Variants in MCTP2 observed in about 807,000 individuals in gnomAD.
The protein encoded by MCTP2 is multiple C2 and transmembrane domain-containing protein 2.
A neutral mutation model predicts 111.6 loss-of-function variants in MCTP2; 132 were observed. The ratio of observed to expected loss-of-function variants is 1.18; its 90% CI spans 1.03 to 1.37. The LOEUF is 1.37. Among genes scored for constraint, MCTP2 ranks in the 40% most tolerant of loss-of-function variants. The pLI, the probability that MCTP2 is intolerant of heterozygous loss-of-function variation, is 0.00. For missense variants in MCTP2, 1,183 were observed against 1,067.9 expected (o/e 1.11, Z -1.50); for synonymous variants, 395 against 387.7 (o/e 1.02, Z -0.22).
intron 1 of MCTP2, among the ~76,000 whole-genome samples, chr15:94,244,300 ATATT>A (rs559217862): frequency 2.4e-4 from 36 of 148,812 alleles, no homozygotes; most frequent in African/African-American, 6.9e-4. Flanking sequence ...ATATGTGTAT[ATATT>A]TATATACACA....
Position 94,478,950 on chromosome 15 carries a change from CTATT to C in MCTP2, c.2569-14_2569-11del. 3 of 1,613,526 alleles carry C rather than the reference CTATT, an allele frequency of 1.9e-6. No individual in the cohort carries two copies. Among genetic ancestry groups the C allele is most frequent in the Non-Finnish European group, 2.5e-6 (3 of 1,179,744 alleles). ...GGTTACCTAACCGCCAGCATCACGGCTATTTGTTTTCACAGGTGCAGTATGCAGA... is the reference window on the plus strand; with the variant it reads ...GGTTACCTAACCGCCAGCATCACGGCTGTTTTCACAGGTGCAGTATGCAGA... On this transcript the variant is annotated splice_polypyrimidine_tract_variant and intron_variant, in intron 22 of 22. Transcript: ENST00000357742.
rs532451420 is a variant in MCTP2 at position 94,280,523 on chromosome 15, C to G, written c.-65-17678C>G. Among the ~76,000 whole-genome samples, 4 of 150,846 alleles carry G rather than the reference C, an allele frequency of 2.7e-5. No individual in the cohort carries two copies. The East Asian group carries it at 5.9e-4, about 22-fold the overall frequency. On this transcript the variant is annotated intron_variant, in intron 1 of 22. Coordinates refer to ENST00000357742, the MANE Select transcript of MCTP2 (RefSeq NM_001385001.1). ...TTTTTTTTCTTCATTAGTCTCACTA[C>G]CAATCTTATTCTTTCAAATAACAAC...
At chr15:94,399,822 G>A (rs960839062) in intron 15 of MCTP2, 99 bp from the exon 16 acceptor site, 2 of 973,566 alleles carry the variant, frequency 2.1e-6, no homozygotes, top group African/African-American at 3.2e-5. Context: ...GTCAGAGTCA[G>A]AAGCTATTGG....
intron 1 of MCTP2, among the ~76,000 whole-genome samples, chr15:94,247,899 A>G (rs576238109): frequency 7.2e-5 from 11 of 152,348 alleles, no homozygotes; most frequent in Admixed American, 2.6e-4. Context: ...TTGTTCCATC[A>G]AAACTTATCT....
At chr15:94,249,386 G>T (rs970430052) in intron 1 of MCTP2, among the ~76,000 whole-genome samples, 1 of 152,118 alleles carries the variant, frequency 6.6e-6, no homozygotes, top group Non-Finnish European at 1.5e-5. Context: ...TTTGTGCTGA[G>T]ATGGAGATGG....
At chr15:94,237,021 A>C (rs1286296768) in intron 1 of MCTP2, among the ~76,000 whole-genome samples, 1 of 152,128 alleles carries the variant, frequency 6.6e-6, no homozygotes. Context: ...GGTGCCAGTA[A>C]CATAAGTCAG....
At chr15:94,441,840 A>G (rs1424340184) in intron 18 of MCTP2, among the ~76,000 whole-genome samples, 2 of 152,112 alleles carry the variant, frequency 1.3e-5, no homozygotes, top group Non-Finnish European at 2.9e-5. Context: ...CTGTTTATCC[A>G]TTGGCTTTCA....
At chr15:94,276,744 A>G (rs1388422048) in intron 1 of MCTP2, among the ~76,000 whole-genome samples, 3 of 150,328 alleles carry the variant, frequency 2.0e-5, no homozygotes, top group African/African-American at 5.0e-5. Context: ...TAACAGATAA[A>G]AGGAGAAAAG....
At chr15:94,326,899 A>G (rs976625541) in intron 4 of MCTP2, among the ~76,000 whole-genome samples, 1 of 141,458 alleles carries the variant, frequency 7.1e-6, no homozygotes, top group African/African-American at 2.6e-5. Context: ...TGTTAATTTG[A>G]TAGAAGGAAA....
At chr15:94,312,754 G>T (rs1327278059) in intron 2 of MCTP2, among the ~76,000 whole-genome samples, 3 of 152,142 alleles carry the variant, frequency 2.0e-5, no homozygotes, top group Non-Finnish European at 4.4e-5. Flanking sequence ...GCTCGTTTCT[G>T]CCCAGTTGCA....
intron 4 of MCTP2, among the ~76,000 whole-genome samples, chr15:94,323,006 G>A (rs1388103032): frequency 4.6e-5 from 7 of 152,228 alleles, no homozygotes; most frequent in Non-Finnish European, 7.3e-5. Context: ...CCGTCAGCGA[G>A]AGGCTGGGAA....
intron 16 of MCTP2, among the ~76,000 whole-genome samples, chr15:94,401,286 G>A (rs1210972971): frequency 2.6e-5 from 4 of 152,046 alleles, no homozygotes; most frequent in African/African-American, 9.7e-5. Context: ...TATGTGACAG[G>A]CACTTTTCTA....
chr15:94,307,014 T>C (rs144823529), intron 2 of MCTP2, among the ~76,000 whole-genome samples: 1 of 152,136 alleles, frequency 6.6e-6, no homozygotes, highest in Non-Finnish European at 1.5e-5. Context: ...CAATATGTGA[T>C]GGTGTGTCAG....
chr15:94,475,742 G>C (rs2074297145), intron 21 of MCTP2, among the ~76,000 whole-genome samples: 1 of 152,156 alleles, frequency 6.6e-6, no homozygotes, highest in Admixed American at 6.5e-5. Context: ...ATGAGCTCCG[G>C]ATATAGTCAA....
At chr15:94,402,392 A>G (rs1241837008) in intron 17 of MCTP2, 3 of 1,509,026 alleles carry the variant, frequency 2.0e-6, no homozygotes, top group Non-Finnish European at 2.7e-6. Context: ...TTTACATTTT[A>G]AGTAAATTAT....
At chr15:94,312,841 C>T (rs1488794026) in intron 2 of MCTP2, among the ~76,000 whole-genome samples, 5 of 152,098 alleles carry the variant, frequency 3.3e-5, no homozygotes, top group Non-Finnish European at 7.4e-5. Context: ...CACCATTTCT[C>T]GTGGGTGCTG....
chr15:94,308,836 A>G (rs906545706), intron 2 of MCTP2, among the ~76,000 whole-genome samples: 6 of 152,206 alleles, frequency 3.9e-5, no homozygotes, highest in African/African-American at 1.2e-4. Context: ...GTGTATTTCA[A>G]TCAAACTTTG....
At chr15:94,243,287 GTATATGCA>G (rs1567250663) in intron 1 of MCTP2, among the ~76,000 whole-genome samples, 8 of 146,710 alleles carry the variant, frequency 5.5e-5, no homozygotes, top group African/African-American at 2.0e-4. Context: ...ATACGTATGC[GTATATGCA>G]TATATACATA....
intron 1 of MCTP2, among the ~76,000 whole-genome samples, chr15:94,256,350 A>G (rs750326727): frequency 1.3e-5 from 2 of 152,202 alleles, no homozygotes; most frequent in African/African-American, 2.4e-5. Flanking sequence ...CTGAAATCAG[A>G]AATACTCTGG....
Sources: allele counts gnomAD v4.1 joint callset (sites outside exome capture counted in the v4.1 genomes callset), GRCh38; gene constraint gnomAD v4.1.1; transcripts MANE v1.5; gene names NCBI Gene and HGNC (gene_info 2026-07-23, HGNC 2026-07-21).